The following NKTR variants were observed in gnomAD, a reference collection of about 807,000 sequenced individuals.
NKTR encodes the protein natural killer cell triggering receptor.
Under a neutral mutation model 156.3 loss-of-function variants are expected in NKTR, and 67 were observed. The observed-to-expected ratio is 0.43, with a 90% CI of 0.35 to 0.53. The LOEUF is 0.53. Among genes scored for constraint, NKTR ranks in the 20% least tolerant of loss-of-function variants. The pLI is 0.01. For synonymous variants in NKTR, 640 were observed against 596.6 expected, an observed-to-expected ratio of 1.07 and a Z score of -1.06; for missense variants, 1,604 against 1,730.9, an observed-to-expected ratio of 0.93 and a Z score of 1.30.
Position 42,637,494 on chromosome 3 carries a change from T to G in NKTR, c.1790T>G (p.Val597Gly). 6.2e-7 allele frequency: 1 copy of G among 1,614,002 alleles called. No homozygotes were observed. The highest frequency in any genetic ancestry group is 8.5e-7 in the Non-Finnish European group (1 of 1,179,990). ...ATGGCACAAAATGAAAATGTAGTAG[T>G]ACAACCAGTTGTAGCAGAAAATATT... is the stretch of plus-strand genomic sequence containing the variant. ...ATMAQNENVV[V>G]QPVVAENIPV... Residue 597 changes from valine (V) to glycine (G), a missense_variant, in exon 13 of 17, where the codon GTA becomes GGA. Val to Gly is a moderately radical substitution (Grantham distance 109). Transcript: ENST00000232978.
At chr3:42,603,712 A>G (rs1705856886) in intron 2 of NKTR, among the ~76,000 whole-genome samples, 2 of 151,266 alleles carry the variant, frequency 1.3e-5, no homozygotes, top group Admixed American at 6.6e-5. Flanking sequence ...TATATTAACT[A>G]AATAGTGGAT....
intron 6 of NKTR, chr3:42,627,471 TTA>T (rs1708493727): frequency 3.0e-6 from 3 of 985,246 alleles, no homozygotes; most frequent in South Asian, 4.7e-5. Flanking sequence ...GGTTATTAGT[TTA>T]TAGTATGGTT....
intron 2 of NKTR, among the ~76,000 whole-genome samples, chr3:42,603,996 G>A (rs531059792): frequency 6.6e-6 from 1 of 152,062 alleles, no homozygotes; most frequent in South Asian, 2.1e-4. Context: ...CTCGGCCTCC[G>A]AAAGTGCTAG....
chr3:42,643,974 C>A lies in NKTR; in HGVS notation c.4272C>A (p.His1424Gln), dbSNP rs1202369922. ...GAAGCCAGAGAAGTGACAGTTACCA[C>A]CGAGGCAGAAGTTATAATCGGCGGT... ...RSRSQRSDSY[H>Q]RGRSYNRRSR... Residue 1424 changes from histidine (H) to glutamine (Q), a missense_variant, in exon 16 of 17, where the codon CAC (histidine) becomes CAA (glutamine). This residue lies in a region of NKTR where 193 missense variants were observed against 220.2 expected (regional missense o/e 0.88). Transcript: ENST00000232978. The A allele has an allele frequency of 6.2e-7, 1 of 1,613,986 alleles. No individual in the cohort carries two copies. The highest frequency in any genetic ancestry group is 2.2e-5 in the East Asian group (1 of 44,880).
At chr3:42,636,679 A>G (rs990827468) in intron 12 of NKTR, among the ~76,000 whole-genome samples, 189 bp from the exon 13 acceptor site, 1 of 152,202 alleles carries the variant, frequency 6.6e-6, no homozygotes, top group Non-Finnish European at 1.5e-5. Flanking sequence ...TTGTAAGTGA[A>G]TTTGTTAGTA....
chr3:42,613,187 T>C (rs1359983547), intron 2 of NKTR, among the ~76,000 whole-genome samples: 3 of 152,100 alleles, frequency 2.0e-5, no homozygotes, highest in East Asian at 1.9e-4. Flanking sequence ...ATAGCTCATA[T>C]TGTGTAGCAG....
intron 11 of NKTR, 163 bp downstream of exon 11, chr3:42,634,863 C>A: frequency 1.8e-6 from 1 of 546,422 alleles, no homozygotes; most frequent in Non-Finnish European, 3.2e-6. Flanking sequence ...TCAAAGTATA[C>A]TGCTGTGTTT....
At position 42,629,398 on chromosome 3, in the gene NKTR, A is replaced by G. The variant is rs528881642; in HGVS notation, c.375-1148A>G. On this transcript the variant is annotated intron_variant, in intron 6 of 16. Transcript: ENST00000232978. Reference sequence around the variant, plus strand: ...TTAAATTAAATTCTGTAGTGCTCTTACAGAACCGAATATTCTTAATGTAAG... The same window carrying G: ...TTAAATTAAATTCTGTAGTGCTCTTGCAGAACCGAATATTCTTAATGTAAG... 7.5e-6 allele frequency: 7 copies of G among 931,350 alleles called. No homozygotes were observed. The South Asian group carries it at 2.0e-4, about 26-fold the overall frequency. 57.7% of individuals were successfully genotyped at this position (931,350 alleles called of 1,614,324 possible). A position where few individuals can be genotyped will look rare whatever the true frequency, so the allele number is the denominator to read the frequency against.
chr3:42,616,431 A>C (rs1200694540), intron 2 of NKTR, among the ~76,000 whole-genome samples: 2 of 152,226 alleles, frequency 1.3e-5, no homozygotes, highest in Non-Finnish European at 2.9e-5. Context: ...TCTCTTGTGA[A>C]TATACAGTCA....
chr3:42,640,434 A>T, intron 13 of NKTR, among the ~76,000 whole-genome samples: 1 of 152,332 alleles, frequency 6.6e-6, no homozygotes, highest in South Asian at 2.1e-4. Context: ...GTTGTGTTGC[A>T]TTCTTTTTCT....
chr3:42,630,289 AT>A, intron 6 of NKTR: 6 of 1,215,976 alleles, frequency 4.9e-6, no homozygotes, highest in Non-Finnish European at 6.1e-6. Context: ...AGTCAAACTG[AT>A]TTCATATGTA....
intron 14 of NKTR, among the ~76,000 whole-genome samples, 198 bp from the exon 15 acceptor site, chr3:42,643,141 C>T (rs538301506): frequency 6.6e-6 from 1 of 152,182 alleles, no homozygotes; most frequent in Non-Finnish European, 1.5e-5. Context: ...CAGAGAAGAA[C>T]TGCATAAAAC....
intron 5 of NKTR, chr3:42,619,972 C>T (rs1672585358): frequency 6.5e-7 from 1 of 1,529,334 alleles, no homozygotes; most frequent in Non-Finnish European, 8.7e-7. Flanking sequence ...ATGAAAACTC[C>T]TATCTTCCTG....
At chr3:42,626,947 C>T (rs1708449714) in intron 6 of NKTR, among the ~76,000 whole-genome samples, 1 of 152,076 alleles carries the variant, frequency 6.6e-6, no homozygotes, top group African/African-American at 2.4e-5. Flanking sequence ...TATTGGCACT[C>T]TATGTTACAA....
At chr3:42,630,180 T>G in intron 6 of NKTR, 1 of 1,038,758 alleles carries the variant, frequency 9.6e-7, no homozygotes. Flanking sequence ...CGCTGATAAA[T>G]TTTGAGGGTT....
chr3:42,621,543 C>A, intron 6 of NKTR, 27 bp downstream of exon 6: 1 of 1,599,922 alleles, frequency 6.3e-7, no homozygotes. Flanking sequence ...CAGAGATGAG[C>A]TTTTCTTAAA....
At chr3:42,622,165 C>G (rs902401339) in intron 6 of NKTR, among the ~76,000 whole-genome samples, 3 of 151,982 alleles carry the variant, frequency 2.0e-5, no homozygotes, top group Non-Finnish European at 2.9e-5. Flanking sequence ...TTTGAAAAAG[C>G]AAATATATTT....
At position 42,642,586 on chromosome 3, in the gene NKTR, A is replaced by G; in HGVS notation, c.4132A>G (p.Lys1378Glu). 2 of 1,613,794 alleles carry G rather than the reference A, an allele frequency of 1.2e-6. No individual in the cohort carries two copies. The highest frequency in any genetic ancestry group is 1.7e-6 in the Non-Finnish European group (2 of 1,179,634). ...RSRSSSYRSY[K>E]SHRTSSRSRS... Reference sequence around the variant, plus strand: ...CCGGAGCAGTTCCTACCGGAGTTACAAAAGTCACAGGTGAGCTTGTGATCT... The same window carrying G: ...CCGGAGCAGTTCCTACCGGAGTTACGAAAGTCACAGGTGAGCTTGTGATCT... The change falls in exon 14 of 17, where the codon AAA becomes GAA. Residue 1378 changes from lysine (K) to glutamate (E), a missense_variant. Physicochemically the swap from Lys to Glu is moderately conservative, Grantham distance 56. This residue lies in a region of NKTR where 193 missense variants were observed against 220.2 expected (regional missense o/e 0.88). Transcript: ENST00000232978.
At chr3:42,610,034 G>A (rs1207161821) in intron 2 of NKTR, among the ~76,000 whole-genome samples, 3 of 151,572 alleles carry the variant, frequency 2.0e-5, no homozygotes, top group South Asian at 4.2e-4. Flanking sequence ...ACAGAGTTTC[G>A]CTCTTGTTGC....
Sources: allele counts gnomAD v4.1 joint callset (sites outside exome capture counted in the v4.1 genomes callset), GRCh38; gene constraint gnomAD v4.1.1; regional missense constraint gnomAD v4.1.1; transcripts MANE v1.5; gene names NCBI Gene and HGNC (gene_info 2026-07-23, HGNC 2026-07-21).